CEP162: variants seen among roughly 807,000 people sequenced by gnomAD.
The protein encoded by CEP162 is centrosomal protein 162.
In CEP162, 141 loss-of-function variants were observed where a neutral mutation model predicts 169.2. That is an observed-to-expected ratio of 0.83 (90% CI 0.73 to 0.96). The LOEUF is 0.96. CEP162 is among the 40% of genes least tolerant of loss of function. CEP162 has a pLI of 0.00. For synonymous variants in CEP162, 540 were observed against 526.4 expected (o/e 1.03, Z -0.35); for missense variants, 1,600 against 1,587.2 (o/e 1.01, Z -0.14).
chr6:84,154,414 A>C (rs2099522367), intron 22 of CEP162, among the ~76,000 whole-genome samples: 1 of 151,882 alleles, frequency 6.6e-6, no homozygotes, highest in Non-Finnish European at 1.5e-5. Context: ...CTATCTGTAA[A>C]ACAGGGTGGA....
intron 6 of CEP162, among the ~76,000 whole-genome samples, chr6:84,210,581 C>T (rs538149731): frequency 2.0e-5 from 3 of 152,222 alleles, no homozygotes; most frequent in African/African-American, 7.2e-5. Context: ...TTCAGAAAGG[C>T]TGAGGCAATT....
intron 7 of CEP162, 104 bp downstream of exon 7, chr6:84,203,877 C>A: frequency 1.9e-6 from 1 of 519,220 alleles, no homozygotes; most frequent in Non-Finnish European, 3.4e-6. Context: ...CAACAATAAG[C>A]AAGATTATGA....
chr6:84,140,884 T>C lies in CEP162; in HGVS notation c.3870+5803A>G, dbSNP rs996773709. ...TCTAGAGCAGCAGTTCCCAGACTTT[T>C]TGGTACCAGGGACTGGTTTTGTGGA... On this transcript the variant is annotated intron_variant, in intron 25 of 26. Transcript: ENST00000403245. Among the ~76,000 whole-genome samples the C allele has an allele frequency of 7.2e-5, 11 of 152,254 alleles. No individual in the cohort carries two copies. The South Asian group carries it at 1.2e-3, about 17-fold the overall frequency.
At chr6:84,131,152 T>C (rs1334169890) in intron 25 of CEP162, among the ~76,000 whole-genome samples, 2 of 152,218 alleles carry the variant, frequency 1.3e-5, no homozygotes, top group Non-Finnish European at 2.9e-5. Flanking sequence ...AGTTTCCATG[T>C]AGTTGTGCAG....
chr6:84,159,305 A>T (rs2129207285), intron 21 of CEP162, among the ~76,000 whole-genome samples: 1 of 150,656 alleles, frequency 6.6e-6, no homozygotes, highest in African/African-American at 2.4e-5. Flanking sequence ...TACTTTTATA[A>T]AGTGGTATAT....
chr6:84,175,215 G>A lies in CEP162; in HGVS notation c.1796C>T (p.Thr599Ile). 2.0e-6 allele frequency: 3 copies of A among 1,526,514 alleles called. No homozygotes were observed. The allele number at this position is 1,526,514 out of a possible 1,614,324, so 94.6% of individuals were successfully genotyped here. The change falls in exon 14 of 27, where the codon ACT becomes ATT. Residue 599 changes from threonine to isoleucine, a missense_variant and splice_region_variant. Thr to Ile is a moderately conservative substitution (Grantham distance 89, BLOSUM62 -1). Coordinates refer to ENST00000403245, the MANE Select transcript of CEP162 (RefSeq NM_014895.4). ...TETDSCIQFQ[T>I]DSLGYCGENK... is the part of the protein sequence containing the mutation. The stretch of plus-strand genomic sequence containing the variant: ...TGATTATTAATTTTGAATACCTACA[G>A]TCTGAAACTGAATACAGGAATCAGT...
At chr6:84,181,315 C>G (rs1175769195) in intron 13 of CEP162, among the ~76,000 whole-genome samples, 1 of 152,150 alleles carries the variant, frequency 6.6e-6, no homozygotes, top group Non-Finnish European at 1.5e-5. Context: ...AAAGCTGAAA[C>G]TGGATCCCTT....
At chr6:84,166,689 G>A (rs2099527968) in intron 18 of CEP162, among the ~76,000 whole-genome samples, 1 of 152,108 alleles carries the variant, frequency 6.6e-6, no homozygotes, top group Non-Finnish European at 1.5e-5. Flanking sequence ...ATACTAAAAG[G>A]AAAGGGCTCA....
intron 15 of CEP162, 54 bp downstream of exon 15, chr6:84,174,673 G>C: frequency 4.0e-6 from 3 of 754,802 alleles, no homozygotes; most frequent in Non-Finnish European, 2.0e-6. Flanking sequence ...AGGGAATTCA[G>C]CTTTTTTTTT....
intron 22 of CEP162, among the ~76,000 whole-genome samples, chr6:84,154,637 T>C (rs186869996): frequency 6.2e-4 from 95 of 152,286 alleles, no homozygotes; most frequent in Admixed American, 1.1e-3. Flanking sequence ...TCACAGGTGT[T>C]TGGAAGGATT....
intron 25 of CEP162, among the ~76,000 whole-genome samples, chr6:84,143,562 T>A (rs558162889): frequency 1.9e-4 from 29 of 152,060 alleles, no homozygotes; most frequent in African/African-American, 7.0e-4. Flanking sequence ...AATGACAGAC[T>A]GTTTTATAAT....
chr6:84,179,060 T>C (rs1342839415), intron 13 of CEP162, among the ~76,000 whole-genome samples: 16 of 152,236 alleles, frequency 1.1e-4, no homozygotes, highest in Admixed American at 6.5e-4. Context: ...CAGTCTATCA[T>C]TGATGGACAT....
intron 25 of CEP162, among the ~76,000 whole-genome samples, chr6:84,130,890 TCTG>T (rs1409739375): frequency 6.6e-6 from 1 of 152,180 alleles, no homozygotes; most frequent in African/African-American, 2.4e-5. Context: ...TTTCTTGTCT[TCTG>T]CTAGCTTTTG....
At chr6:84,165,897 G>C (rs551823505) in intron 18 of CEP162, among the ~76,000 whole-genome samples, 5 of 152,302 alleles carry the variant, frequency 3.3e-5, no homozygotes, top group Non-Finnish European at 5.9e-5. Context: ...CCTTTCAGGA[G>C]AGTCCTGAAA....
At chr6:84,132,382 G>A (rs539156843) in intron 25 of CEP162, among the ~76,000 whole-genome samples, 2 of 152,278 alleles carry the variant, frequency 1.3e-5, no homozygotes, top group Non-Finnish European at 2.9e-5. Context: ...GAATTTGAAT[G>A]TTGTTCTGCC....
chr6:84,191,606 C>T (rs1324613485), intron 11 of CEP162, among the ~76,000 whole-genome samples: 2 of 152,102 alleles, frequency 1.3e-5, no homozygotes, highest in Non-Finnish European at 2.9e-5. Context: ...CTTTTTAATT[C>T]AACCATTGGT....
At chr6:84,158,700 C>T (rs2099524205) in intron 21 of CEP162, among the ~76,000 whole-genome samples, 1 of 151,936 alleles carries the variant, frequency 6.6e-6, no homozygotes, top group African/African-American at 2.4e-5. Flanking sequence ...TACATGTATA[C>T]ATACCAACAC....
intron 21 of CEP162, among the ~76,000 whole-genome samples, chr6:84,157,436 C>A (rs909815108): frequency 6.6e-6 from 1 of 152,148 alleles, no homozygotes; most frequent in Non-Finnish European, 1.5e-5. Flanking sequence ...CTTTGGGAAG[C>A]CAAGGCGGGT....
chr6:84,146,902 G>C, intron 24 of CEP162, 117 bp from the exon 25 acceptor site: 1 of 445,770 alleles, frequency 2.2e-6, no homozygotes, highest in East Asian at 3.4e-5. Context: ...GGGAATGTAA[G>C]TAAGCACAGC....
Sources: allele counts gnomAD v4.1 joint callset (sites outside exome capture counted in the v4.1 genomes callset), GRCh38; gene constraint gnomAD v4.1.1; transcripts MANE v1.5; gene names NCBI Gene and HGNC (gene_info 2026-07-23, HGNC 2026-07-21).